The following MUC5B variants were observed in gnomAD, a reference collection of about 807,000 sequenced individuals.
MUC5B encodes the protein mucin 5B, oligomeric mucus/gel-forming.
A neutral mutation model predicts 376.9 loss-of-function variants in MUC5B; 116 were observed. That is an observed-to-expected ratio of 0.31 (90% confidence interval 0.26 to 0.36). The LOEUF is 0.36. MUC5B is among the 10% of genes least tolerant of loss of function. MUC5B has a pLI of 1.00. For synonymous variants in MUC5B, 3,517 were observed against 3,390.9 expected, an observed-to-expected ratio of 1.04 and a Z score of -1.29; for missense variants, 7,165 against 7,769.9, an observed-to-expected ratio of 0.92 and a Z score of 2.93.
intron 2 of MUC5B, 113 bp downstream of exon 2, chr11:1,225,850 C>G (rs1445311654): frequency 3.0e-6 from 3 of 997,524 alleles, no homozygotes; most frequent in African/African-American, 1.6e-5. Flanking sequence ...CAGAGACCCT[C>G]CCTGGGTCCC....
chr11:1,228,795 T>C (rs971591498), intron 8 of MUC5B, 30 bp downstream of exon 8: 11 of 1,431,444 alleles, frequency 7.7e-6, no homozygotes, highest in African/African-American at 2.8e-5. Flanking sequence ...TCGCCAGGGA[T>C]TGTGCCAGAG....
intron 34 of MUC5B, 25 bp from the exon 35 acceptor site, chr11:1,254,669 T>C: frequency 6.2e-7 from 1 of 1,602,972 alleles, no homozygotes; most frequent in Non-Finnish European, 8.5e-7. Context: ...GCCTCCCAGC[T>C]CAGGGTTCCC....
At position 1,232,939 on chromosome 11, in the gene MUC5B, A is replaced by C. The variant is rs968214786; in HGVS notation, c.2066-74A>C. ...TGCGATCCCCACGTCACAGACGGGG[A>C]TGCTGAGTTGAAGATGGGGGCTGGC... On this transcript the variant is annotated intron_variant, in intron 17 of 48. Coordinates refer to ENST00000529681, the MANE Select transcript of MUC5B (RefSeq NM_002458.3). 4 of 1,479,370 alleles carry C rather than the reference A, an allele frequency of 2.7e-6. No individual in the cohort carries two copies. In the East Asian group the frequency reaches 7.4e-5, roughly 27 times the overall value. The allele number at this position is 1,479,370 out of a possible 1,614,324, so 91.6% of individuals were successfully genotyped here.
chr11:1,258,516 C>T lies in MUC5B; in HGVS notation c.16593+149C>T. 2 of 972,728 alleles carry T rather than the reference C, an allele frequency of 2.1e-6. No individual in the cohort carries two copies. The highest frequency in any genetic ancestry group is 3.0e-6 in the Non-Finnish European group (2 of 669,082). 60.3% of individuals were successfully genotyped at this position (972,728 alleles called of 1,614,324 possible). ...GGCCCTGGACACGTCAGAGCTGGGA[C>T]ATGCTTGGGACTCAGGGGCACCTTA... is the stretch of plus-strand genomic sequence containing the variant. On this transcript the variant is annotated intron_variant, in intron 43 of 48. Coordinates refer to ENST00000529681, the MANE Select transcript of MUC5B (RefSeq NM_002458.3). The surrounding 1 kb of genome is among the most constrained non-coding windows in gnomAD (Gnocchi z 5.5).
rs1231065904 is a variant in MUC5B at position 1,260,036 on chromosome 11, A to G, written c.16874A>G (p.His5625Arg). Residue 5625 changes from histidine (H) to arginine (R), a missense_variant, in exon 46 of 49, where the codon CAT becomes CGT. By Grantham distance (29) the His-to-Arg change is conservative. Coordinates refer to ENST00000529681, the MANE Select transcript of MUC5B (RefSeq NM_002458.3). ...CTCTGTGAGGCTGAGGGTGGAGTCC[A>G]TTTGCTGACCCCACAGCCTGCATCC... is the stretch of plus-strand genomic sequence containing the variant. Reference protein sequence around the residue: ...VYLCEAEGGVHLLTPQPASCP... With the variant: ...VYLCEAEGGVRLLTPQPASCP... The G allele has an allele frequency of 6.2e-7, 1 of 1,612,594 alleles. No individual in the cohort carries two copies. Among genetic ancestry groups the G allele is most frequent in the Non-Finnish European group, 8.5e-7 (1 of 1,179,742 alleles).
rs1302018916 is a variant in MUC5B at position 1,248,024 on chromosome 11, C to A, written c.11144C>A (p.Thr3715Asn). Residue 3715 changes from threonine to asparagine, a missense_variant, in exon 31 of 49, where the codon ACC becomes AAC. This residue lies in a region of MUC5B where 90 missense variants were observed against 71.1 expected (regional missense o/e 1.27). Coordinates refer to ENST00000529681, the MANE Select transcript of MUC5B (RefSeq NM_002458.3). ...GGATCCACGGCCACCCCGTCCTCCACCCCAGGGACCACCTGGATCCTCACA... is the reference window on the plus strand; with the variant it reads ...GGATCCACGGCCACCCCGTCCTCCAACCCAGGGACCACCTGGATCCTCACA... ...STGSTATPSS[T>N]PGTTWILTEP... The A allele has an allele frequency of 6.2e-7, 1 of 1,609,246 alleles. No individual in the cohort carries two copies. The highest frequency in any genetic ancestry group is 1.3e-5 in the African/African-American group (1 of 74,100).
intron 26 of MUC5B, 135 bp downstream of exon 26, chr11:1,239,162 A>T: frequency 8.8e-7 from 1 of 1,140,558 alleles, no homozygotes. Flanking sequence ...CCTCCATGTG[A>T]GTGCACAAGT....
At chr11:1,259,188 C>A in intron 44 of MUC5B, 127 bp downstream of exon 44, 1 of 1,000,066 alleles carries the variant, frequency 1.0e-6, no homozygotes, top group Admixed American at 2.3e-5. Context: ...AGGCACCTGC[C>A]CCCAGGTGAG....
At position 1,227,764 on chromosome 11, in the gene MUC5B, G is replaced by A. The variant is rs56179538; in HGVS notation, c.757G>A (p.Gly253Ser). 6,605 of 717,660 alleles carry A rather than the reference G, an allele frequency of 9.2e-3. 248 individuals are homozygous for A. Among genetic ancestry groups the A allele is most frequent in the African/African-American group, 0.087 (4,991 of 57,446 alleles). The allele number at this position is 717,660 out of a possible 1,614,324, so 44.5% of individuals were successfully genotyped here. Residue 253 changes from glycine to serine, a missense_variant, in exon 7 of 49, where the codon GGC (glycine) becomes AGC (serine). Physicochemically the swap from Gly to Ser is moderately conservative, Grantham distance 56 (BLOSUM62 0). Around this residue, in one of 31 missense-constraint regions of MUC5B, gnomAD observed 640 missense variants for 733.0 expected, o/e 0.87. Transcript: ENST00000529681. ...CCCGGACCCGCTGCCCTTGCCGGCC[G>A]GCAACTGCACGGACGAGGTGAGTCC... ...QCPDPLPLPA[G>S]NCTDEEGICH...
Position 1,232,118 on chromosome 11 carries a change from A to G in MUC5B, c.1801A>G (p.Arg601Gly), listed in dbSNP as rs370399808. The part of the protein sequence containing the change: ...WKAQAACANA[R>G]NSFEDPCSLS... ...GGCCCAGGCTGCCTGTGCCAATGCCAGGAACAGCTTTGAGGACCCCTGCTC... is the reference window on the plus strand; with the variant it reads ...GGCCCAGGCTGCCTGTGCCAATGCCGGGAACAGCTTTGAGGACCCCTGCTC... The change falls in exon 15 of 49, where the codon AGG (arginine) becomes GGG (glycine). Residue 601 changes from arginine to glycine, a missense_variant. Physicochemically the swap from Arg to Gly is moderately radical, Grantham distance 125. Around this residue, in one of 31 missense-constraint regions of MUC5B, gnomAD observed 530 missense variants for 604.0 expected, o/e 0.88. Coordinates refer to ENST00000529681, the MANE Select transcript of MUC5B (RefSeq NM_002458.3). The G allele has an allele frequency of 3.5e-5, 57 of 1,612,308 alleles. No individual in the cohort carries two copies. The highest frequency in any genetic ancestry group is 4.6e-5 in the Non-Finnish European group (54 of 1,179,590).
At position 1,246,935 on chromosome 11, in the gene MUC5B, T is replaced by A; in HGVS notation, c.10055T>A (p.Ile3352Asn). ...GGCTCCACGGTGACCCCCTCCTCCA[T>A]CCCGGGGACCACCCACACCGCCACA... ...TRGSTVTPSSIPGTTHTATVL... is the reference protein window; with the variant it reads ...TRGSTVTPSSNPGTTHTATVL... The change falls in exon 31 of 49, where the codon ATC becomes AAC. Residue 3352 changes from isoleucine (I) to asparagine (N), a missense_variant. Ile to Asn is a moderately radical substitution (Grantham distance 149). Around this residue, in one of 31 missense-constraint regions of MUC5B, gnomAD observed 939 missense variants for 770.6 expected, o/e 1.22. Coordinates refer to ENST00000529681, the MANE Select transcript of MUC5B (RefSeq NM_002458.3). The A allele has an allele frequency of 6.2e-7, 1 of 1,602,082 alleles. No homozygotes were observed. Among genetic ancestry groups the A allele is most frequent in the Non-Finnish European group, 8.5e-7 (1 of 1,174,666 alleles).
At chr11:1,240,484 T>G in intron 30 of MUC5B, 109 bp downstream of exon 30, 1 of 1,059,762 alleles carries the variant, frequency 9.4e-7, no homozygotes, top group Non-Finnish European at 1.4e-6. Context: ...CCCAATCCAC[T>G]GACCTTCCGG....
chr11:1,256,523 C>T (rs1638723775), intron 38 of MUC5B, 148 bp from the exon 39 acceptor site: 1 of 414,934 alleles, frequency 2.4e-6, no homozygotes, highest in South Asian at 3.0e-5. Flanking sequence ...CCACCCGTCC[C>T]CGCCCCCAGC....
chr11:1,236,857 T>G, intron 24 of MUC5B, 68 bp from the exon 25 acceptor site: 6 of 1,397,746 alleles, frequency 4.3e-6, no homozygotes, highest in Non-Finnish European at 5.6e-6. Flanking sequence ...CAGGGTGGGC[T>G]CTGTGCTGCC....
rs553259284 is a variant in MUC5B, at chr11:1,254,498, G to A, written c.15477+147G>A. ...GGGGGCAGGGAAGGCCTGTGGAGCC[G>A]CCTAAGGCCGAGCGCACCCTGTGGC... On this transcript the variant is annotated intron_variant, in intron 34 of 48. Transcript: ENST00000529681. 219 of 1,307,718 alleles carry A rather than the reference G, an allele frequency of 1.7e-4. No homozygotes were observed. The African/African-American group carries it at 2.1e-3, about 13-fold the overall frequency. 81.0% of individuals were successfully genotyped at this position (1,307,718 alleles called of 1,614,324 possible).
At position 1,253,113 on chromosome 11, in the gene MUC5B, T is replaced by C. The variant is rs1487273137; in HGVS notation, c.15217+133T>C. On this transcript the variant is annotated intron_variant, in intron 33 of 48. Transcript: ENST00000529681. The surrounding 1 kb of genome is among the most constrained non-coding windows in gnomAD (Gnocchi z 4.3). ...GGGAATGGTGGGGCATGGTGGGGCA[T>C]GGTGGGGTGCAGTGGGGCATGGTGG... 1 of 547,280 alleles carries C rather than the reference T, an allele frequency of 1.8e-6. No individual in the cohort carries two copies. The highest frequency in any genetic ancestry group is 2.7e-5 in the African/African-American group (1 of 37,448). The allele number at this position is 547,280 out of a possible 1,614,324, so 33.9% of individuals were successfully genotyped here. A position where few individuals can be genotyped will look rare whatever the true frequency, so the allele number is the denominator to read the frequency against.
intron 34 of MUC5B, 88 bp downstream of exon 34, chr11:1,254,439 C>CGCA: frequency 5.9e-6 from 9 of 1,525,542 alleles, no homozygotes; most frequent in Non-Finnish European, 7.9e-6. Flanking sequence ...ACCCAGGTGC[C>CGCA]GCAGCGATGG....
Position 1,247,484 on chromosome 11 carries a change from G to C in MUC5B, c.10604G>C (p.Gly3535Ala), listed in dbSNP as rs71469869. 2,592 of 1,603,770 alleles carry C rather than the reference G, an allele frequency of 1.6e-3. 89 individuals are homozygous for C. In the African/African-American group the frequency reaches 0.029, roughly 18 times the overall value. The change falls in exon 31 of 49, where the codon GGC (glycine) becomes GCC (alanine). Residue 3535 changes from glycine to alanine, a missense_variant. By Grantham distance (60) the Gly-to-Ala change is moderately conservative (BLOSUM62 0). This residue lies in a region of MUC5B where 939 missense variants were observed against 770.6 expected (regional missense o/e 1.22). Coordinates refer to ENST00000529681, the MANE Select transcript of MUC5B (RefSeq NM_002458.3). ...PGTTTPGHTR[G>A]TSRTTATATP... ...ACGACCACCCCGGGCCACACCAGGGGCACCTCCAGGACCACAGCCACAGCC... is the reference window on the plus strand; with the variant it reads ...ACGACCACCCCGGGCCACACCAGGGCCACCTCCAGGACCACAGCCACAGCC...
chr11:1,246,329 C>T lies in MUC5B; in HGVS notation c.9449C>T (p.Pro3150Leu), dbSNP rs1301641047. The T allele has an allele frequency of 5.6e-6, 9 of 1,601,968 alleles. No homozygotes were observed. Among genetic ancestry groups the T allele is most frequent in the Non-Finnish European group, 7.7e-6 (9 of 1,172,068 alleles). The change falls in exon 31 of 49, where the codon CCC (proline) becomes CTC (leucine). Residue 3150 changes from proline (P) to leucine (L), a missense_variant. Coordinates refer to ENST00000529681, the MANE Select transcript of MUC5B (RefSeq NM_002458.3). ...TAATTTAATGPTATPSSTPGT... is the reference protein window; with the variant it reads ...TAATTTAATGLTATPSSTPGT... ...GCCACTACAACTGCAGCCACTGGCC[C>T]CACGGCCACCCCGTCCTCCACCCCA...
Sources: gnomAD v4.1 joint callset for allele counts on GRCh38, gnomAD v4.1.1 for gene constraint, gnomAD v4.1.1 regional missense constraint, Gnocchi (gnomAD v3.1) non-coding constraint, MANE v1.5 for transcripts, NCBI Gene and HGNC (gene_info 2026-07-23, HGNC 2026-07-21) for gene names.